The following ITPR1 variants were observed in gnomAD, a reference collection of about 807,000 sequenced individuals.
ITPR1 encodes the protein inositol 1,4,5-trisphosphate receptor type 1.
In ITPR1, 96 loss-of-function variants were observed where a neutral mutation model predicts 318.4. The ratio of observed to expected loss-of-function variants is 0.30; its 90% CI spans 0.26 to 0.36. The LOEUF (loss-of-function observed/expected upper bound fraction) is 0.36, where lower values mean the gene tolerates loss of function less well. ITPR1 is among the 10% of genes least tolerant of loss of function. The pLI is 1.00. For missense variants in ITPR1, 2,440 were observed against 3,460.2 expected (o/e 0.71, Z 7.40); for synonymous variants, 1,312 against 1,289.9 (o/e 1.02, Z -0.37).
At chr3:4,780,150 A>G in intron 49 of ITPR1, among the ~76,000 whole-genome samples, 1 of 152,114 alleles carries the variant, frequency 6.6e-6, no homozygotes, top group East Asian at 1.9e-4. Context: ...CCTAGTCCAG[A>G]GGGTTGCTTT....
chr3:4,694,764 C>G (rs1400572323), intron 33 of ITPR1, among the ~76,000 whole-genome samples: 1 of 152,118 alleles, frequency 6.6e-6, no homozygotes, highest in Admixed American at 6.6e-5. Context: ...GTGTATGAGA[C>G]CCATCATTGA....
chr3:4,627,526 C>G (rs1253960493), intron 4 of ITPR1, among the ~76,000 whole-genome samples: 1 of 152,134 alleles, frequency 6.6e-6, no homozygotes, highest in Non-Finnish European at 1.5e-5. Context: ...TTGTACAGCT[C>G]TGCTACCAAG....
Position 4,717,499 on chromosome 3 carries a change from C to A in ITPR1, c.5136+100C>A, listed in dbSNP as rs193102732. On this transcript the variant is annotated intron_variant, in intron 40 of 61. Coordinates refer to ENST00000649015, the MANE Select transcript of ITPR1 (RefSeq NM_001378452.1). ...GATCCTTCCTCTAGTCTCACAGCGTCGAGTATCTGGCTTTGTGTGGTGTGC... is the reference window on the plus strand; with the variant it reads ...GATCCTTCCTCTAGTCTCACAGCGTAGAGTATCTGGCTTTGTGTGGTGTGC... 4.2e-6 allele frequency: 4 copies of A among 962,640 alleles called. No homozygotes were observed. The African/African-American group carries it at 4.8e-5, about 12-fold the overall frequency. The allele number at this position is 962,640 out of a possible 1,614,324, so 59.6% of individuals were successfully genotyped here. A position where few individuals can be genotyped will look rare whatever the true frequency, so the allele number is the denominator to read the frequency against.
At chr3:4,833,943 G>A (rs2050699193) in intron 60 of ITPR1, among the ~76,000 whole-genome samples, 1 of 152,164 alleles carries the variant, frequency 6.6e-6, no homozygotes, top group African/African-American at 2.4e-5. Flanking sequence ...CCAGGCTGTA[G>A]TGCGGTGGCA....
chr3:4,680,872 T>G (rs572007386), intron 25 of ITPR1, among the ~76,000 whole-genome samples, 181 bp downstream of exon 25: 1 of 152,364 alleles, frequency 6.6e-6, no homozygotes, highest in Non-Finnish European at 1.5e-5. Context: ...CCCAGATTCC[T>G]TCTGGGTTGG....
intron 50 of ITPR1, 66 bp downstream of exon 50, chr3:4,782,807 G>A: frequency 7.2e-7 from 1 of 1,383,312 alleles, no homozygotes; most frequent in South Asian, 1.9e-5. Flanking sequence ...CGAGCTGGAG[G>A]GTGCCCCCAG....
intron 44 of ITPR1, among the ~76,000 whole-genome samples, chr3:4,737,060 A>G (rs2043326554): frequency 6.6e-6 from 1 of 152,132 alleles, no homozygotes. Flanking sequence ...ATCCTTAGCC[A>G]CAGTGTCTTC....
intron 33 of ITPR1, among the ~76,000 whole-genome samples, chr3:4,694,640 A>C (rs2094529856): frequency 6.6e-6 from 1 of 152,194 alleles, no homozygotes; most frequent in South Asian, 2.1e-4. Context: ...ACAAACATGC[A>C]CAACATGTGA....
intron 2 of ITPR1, among the ~76,000 whole-genome samples, chr3:4,498,514 G>C (rs1307350730): frequency 6.6e-6 from 1 of 152,166 alleles, no homozygotes; most frequent in Non-Finnish European, 1.5e-5. Context: ...GTCAACAGTG[G>C]TTTATCTGAG....
At chr3:4,587,009 C>G (rs114311029) in intron 4 of ITPR1, among the ~76,000 whole-genome samples, 2,558 of 152,136 alleles carry the variant, frequency 0.017, 86 homozygotes, top group African/African-American at 0.057. Context: ...CCGGGAGATT[C>G]AAAAAATTAT....
At chr3:4,816,289 A>G (rs1304905765) in intron 59 of ITPR1, 2 of 152,188 alleles carry the variant, frequency 1.3e-5, no homozygotes, top group East Asian at 1.9e-4. Flanking sequence ...ATGTAGGTCA[A>G]TTATTTTGTA....
In ITPR1 at chr3:4,644,191, A is replaced by G. The variant is rs774859879; in HGVS notation, c.581A>G (p.His194Arg). The change falls in exon 8 of 62, where the codon CAT becomes CGT. Residue 194 changes from histidine to arginine, a missense_variant. Physicochemically the swap from His to Arg is conservative, Grantham distance 29. Coordinates refer to ENST00000649015, the MANE Select transcript of ITPR1 (RefSeq NM_001378452.1). ...LNPVNAGQPLHASSHQLVDNP... is the reference protein window; with the variant it reads ...LNPVNAGQPLRASSHQLVDNP... ...CCCGTCAATGCTGGTCAGCCCCTAC[A>G]TGCTAGCAGCCATCAACTGGTAGAT... 2 of 1,611,534 alleles carry G rather than the reference A, an allele frequency of 1.2e-6. No homozygotes were observed. Among genetic ancestry groups the G allele is most frequent in the South Asian group, 1.1e-5 (1 of 90,216 alleles).
At chr3:4,588,725 C>T (rs2090133807) in intron 4 of ITPR1, among the ~76,000 whole-genome samples, 1 of 152,108 alleles carries the variant, frequency 6.6e-6, no homozygotes, top group Non-Finnish European at 1.5e-5. Flanking sequence ...CTTGAATGGA[C>T]TTCACAGGCA....
intron 2 of ITPR1, among the ~76,000 whole-genome samples, chr3:4,509,189 G>A (rs868422331): frequency 6.6e-6 from 1 of 152,170 alleles, no homozygotes; most frequent in African/African-American, 2.4e-5. Flanking sequence ...TAAGAGAGCT[G>A]AGGTTCAGAG....
In ITPR1 at chr3:4,514,638, C is replaced by T. The variant is rs9871469; in HGVS notation, c.-16-1838C>T. On this transcript the variant is annotated intron_variant, in intron 2 of 61. Coordinates refer to ENST00000649015, the MANE Select transcript of ITPR1 (RefSeq NM_001378452.1). ...CCCTAGTCCTCTTGCGGAGCACATA[C>T]CTGCTCTTCTGCATTTGGAAATTCC... 9.8e-3 allele frequency among the ~76,000 whole-genome samples: 1,497 copies of T among 152,206 alleles called. 35 individuals are homozygous for T. The highest frequency in any genetic ancestry group is 0.034 in the African/African-American group (1,397 of 41,504).
intron 4 of ITPR1, among the ~76,000 whole-genome samples, chr3:4,596,984 T>A (rs1299830118): frequency 6.6e-6 from 1 of 152,084 alleles, no homozygotes; most frequent in African/African-American, 2.4e-5. Flanking sequence ...CAAAAGAGAG[T>A]TAGGATTGTA....
chr3:4,580,420 G>A (rs2089208333), intron 4 of ITPR1, among the ~76,000 whole-genome samples: 1 of 152,142 alleles, frequency 6.6e-6, no homozygotes, highest in Non-Finnish European at 1.5e-5. Flanking sequence ...CAAAGTGGGG[G>A]CAGGACAGGA....
intron 4 of ITPR1, among the ~76,000 whole-genome samples, chr3:4,620,971 A>T (rs2092607506): frequency 6.6e-6 from 1 of 151,662 alleles, no homozygotes; most frequent in African/African-American, 2.4e-5. Context: ...TATATTTTCA[A>T]CTTACTAGTT....
At chr3:4,499,149 C>G (rs1297151708) in intron 2 of ITPR1, among the ~76,000 whole-genome samples, 1 of 152,062 alleles carries the variant, frequency 6.6e-6, no homozygotes, top group Non-Finnish European at 1.5e-5. Flanking sequence ...GACCCCATCT[C>G]TGTTAAAAAA....
Sources: gnomAD v4.1 joint callset for allele counts (sites outside exome capture counted in the v4.1 genomes callset) on GRCh38, gnomAD v4.1.1 for gene constraint, MANE v1.5 for transcripts, NCBI Gene and HGNC (gene_info 2026-07-23, HGNC 2026-07-21) for gene names.